Variants in SYT1 observed in about 807,000 individuals in gnomAD.
The protein encoded by SYT1 is synaptotagmin 1.
Under a neutral mutation model 44.8 loss-of-function variants are expected in SYT1, and 8 were observed. The ratio of observed to expected loss-of-function variants is 0.18; its 90% confidence interval spans 0.10 to 0.32. SYT1 has a LOEUF of 0.32. Among genes scored for constraint, SYT1 ranks in the 10% least tolerant of loss-of-function variants. The pLI, the probability that SYT1 is intolerant of heterozygous loss-of-function variation, is 1.00. For missense variants in SYT1, 286 were observed against 509.3 expected (o/e 0.56, Z 4.22); for synonymous variants, 154 against 188.8 (o/e 0.82, Z 1.51).
chr12:79,335,388 T>A (rs1882042260), intron 8 of SYT1, among the ~76,000 whole-genome samples: 1 of 146,960 alleles, frequency 6.8e-6, no homozygotes. Context: ...TGTTCTCTGA[T>A]GCTTTTTTTT....
At chr12:79,179,508 T>C (rs969790594) in intron 3 of SYT1, among the ~76,000 whole-genome samples, 13 of 104,556 alleles carry the variant, frequency 1.2e-4, no homozygotes, top group African/African-American at 5.1e-4. Flanking sequence ...TAGATATAGA[T>C]ATAGATATAT....
intron 2 of SYT1, among the ~76,000 whole-genome samples, chr12:78,997,664 CT>C (rs143170436): frequency 0.081 from 11,765 of 144,518 alleles, 452 homozygotes; most frequent in Admixed American, 0.11. Context: ...TTTCTCTTTC[CT>C]TTTTTTTTTT....
chr12:79,353,188 C>T (rs1882981458), intron 8 of SYT1, among the ~76,000 whole-genome samples: 1 of 152,066 alleles, frequency 6.6e-6, no homozygotes, highest in Non-Finnish European at 1.5e-5. Context: ...CAGTGCTATT[C>T]AGAGCACAAA....
chr12:79,125,099 TTA>T (rs1868361021), intron 3 of SYT1, among the ~76,000 whole-genome samples: 1 of 152,162 alleles, frequency 6.6e-6, no homozygotes, highest in Non-Finnish European at 1.5e-5. Flanking sequence ...TTGCGTCTTT[TTA>T]TTTCTCATGA....
At chr12:79,303,761 G>C (rs575586880) in intron 8 of SYT1, among the ~76,000 whole-genome samples, 7 of 152,256 alleles carry the variant, frequency 4.6e-5, no homozygotes, top group Admixed American at 2.0e-4. Context: ...TCAATCAAAT[G>C]GCAACAGTTT....
intron 8 of SYT1, among the ~76,000 whole-genome samples, chr12:79,349,613 G>C (rs926900532): frequency 9.9e-5 from 15 of 152,052 alleles, no homozygotes; most frequent in African/African-American, 3.4e-4. Flanking sequence ...GGCTATTCTA[G>C]AAAAAAGTAG....
intron 9 of SYT1, among the ~76,000 whole-genome samples, chr12:79,359,402 C>T (rs928343752): frequency 2.6e-5 from 4 of 152,170 alleles, no homozygotes; most frequent in Admixed American, 6.5e-5. Context: ...CATCCCTAGT[C>T]CTCTTCCTGG....
intron 1 of SYT1, among the ~76,000 whole-genome samples, chr12:78,938,576 C>G (rs928075122): frequency 2.0e-5 from 3 of 152,164 alleles, no homozygotes; most frequent in Non-Finnish European, 4.4e-5. Flanking sequence ...AATGGACACA[C>G]AAACTCACAC....
At chr12:79,365,502 G>A (rs1250411347) in intron 9 of SYT1, among the ~76,000 whole-genome samples, 1 of 151,958 alleles carries the variant, frequency 6.6e-6, no homozygotes, top group Non-Finnish European at 1.5e-5. Context: ...TGCCATAAAT[G>A]AATTTGAAAG....
At chr12:79,332,297 T>C (rs1881889742) in intron 8 of SYT1, among the ~76,000 whole-genome samples, 1 of 152,202 alleles carries the variant, frequency 6.6e-6, no homozygotes, top group African/African-American at 2.4e-5. Flanking sequence ...CACATTTTCA[T>C]GCAAAGGACC....
intron 2 of SYT1, among the ~76,000 whole-genome samples, chr12:78,988,200 T>C (rs960842244): frequency 2.0e-5 from 3 of 151,660 alleles, no homozygotes; most frequent in Admixed American, 1.3e-4. Flanking sequence ...GTGAGCAAAA[T>C]AGGCCAAATC....
chr12:79,080,696 C>A (rs1351360003), intron 3 of SYT1, among the ~76,000 whole-genome samples: 4 of 152,092 alleles, frequency 2.6e-5, no homozygotes, highest in Non-Finnish European at 5.9e-5. Context: ...TTACACCAGA[C>A]AATTTTTAGA....
intron 3 of SYT1, among the ~76,000 whole-genome samples, chr12:79,080,575 C>CA (rs369708071): frequency 6.6e-4 from 100 of 150,378 alleles, no homozygotes; most frequent in African/African-American, 2.0e-3. Flanking sequence ...ATCTTTAAGA[C>CA]AAAAAAAAAT....
chr12:79,191,645 T>C (rs1406661018), intron 3 of SYT1, among the ~76,000 whole-genome samples: 2 of 152,172 alleles, frequency 1.3e-5, no homozygotes, highest in African/African-American at 4.8e-5. Context: ...CATTTGTTGA[T>C]ATTTTAAGAA....
intron 4 of SYT1, among the ~76,000 whole-genome samples, chr12:79,278,328 C>A (rs1279200927): frequency 6.6e-6 from 1 of 152,004 alleles, no homozygotes; most frequent in East Asian, 1.9e-4. Context: ...CAGACCACAG[C>A]AGAATAAAAC....
At chr12:78,890,995 T>C (rs1197104534) in intron 1 of SYT1, among the ~76,000 whole-genome samples, 1 of 151,944 alleles carries the variant, frequency 6.6e-6, no homozygotes, top group Non-Finnish European at 1.5e-5. Flanking sequence ...TTAGAATTAA[T>C]TCTACTGATT....
chr12:79,378,973 T>C (rs150650743), intron 9 of SYT1, among the ~76,000 whole-genome samples: 2 of 152,280 alleles, frequency 1.3e-5, no homozygotes, highest in East Asian at 3.9e-4. Context: ...TAGTACATGT[T>C]TGAAAACAGA....
intron 3 of SYT1, among the ~76,000 whole-genome samples, chr12:79,070,583 G>A (rs187533173): frequency 1.7e-3 from 254 of 151,912 alleles, no homozygotes; most frequent in Non-Finnish European, 2.6e-3. Context: ...TTTTTTAGGC[G>A]TTTTTCTCTT....
At chr12:79,063,834 AC>A (rs1222204264) in intron 3 of SYT1, among the ~76,000 whole-genome samples, 1 of 152,008 alleles carries the variant, frequency 6.6e-6, no homozygotes, top group Admixed American at 6.6e-5. Flanking sequence ...AAACCCACTC[AC>A]CCTTCCAAAA....
Sources: gnomAD v4.1 joint callset for allele counts (sites outside exome capture counted in the v4.1 genomes callset) on GRCh38, gnomAD v4.1.1 for gene constraint, MANE v1.5 for transcripts, NCBI Gene and HGNC (gene_info 2026-07-23, HGNC 2026-07-21) for gene names.